The following ARHGAP6 variants were observed in gnomAD, a reference collection of about 807,000 sequenced individuals.
ARHGAP6 encodes the protein Rho GTPase activating protein 6, also known as rho GTPase-activating protein 6.
In ARHGAP6, 16 loss-of-function variants were observed where a neutral mutation model predicts 55.7. That is an observed-to-expected ratio of 0.29 (90% CI 0.19 to 0.44). The LOEUF (loss-of-function observed/expected upper bound fraction) is 0.44, where lower values mean the gene tolerates loss of function less well. Ranked by LOEUF, ARHGAP6 falls within the 20% of genes least tolerant of loss-of-function variation. The pLI is 1.00. For synonymous variants in ARHGAP6, 382 were observed against 360.9 expected (o/e 1.06, Z -0.66); for missense variants, 698 against 808.9 (o/e 0.86, Z 1.66).
chrX:11,600,588 C>T (rs1360419669), intron 1 of ARHGAP6, among the ~76,000 whole-genome samples: 1 of 111,862 alleles, frequency 8.9e-6, no homozygotes, highest in Non-Finnish European at 1.9e-5. Context: ...GTGGAAATAC[C>T]AGAAAGTTAA....
intron 1 of ARHGAP6, among the ~76,000 whole-genome samples, chrX:11,440,769 T>G (rs972369150): frequency 1.8e-5 from 2 of 112,292 alleles, no homozygotes; most frequent in African/African-American, 6.5e-5. Flanking sequence ...TTGAATGCTG[T>G]TACTAAATAC....
intron 1 of ARHGAP6, among the ~76,000 whole-genome samples, chrX:11,660,530 C>CAAAAAAAAAAAAAAAAAAAAA (rs56274949): frequency 3.7e-5 from 1 of 27,300 alleles, no homozygotes; most frequent in Non-Finnish European, 7.3e-5. Context: ...CTCTCTCTCT[C>CAAAAAAAAAAAAAAAAAAAAA]AAAAAAAAAA....
At chrX:11,514,872 A>T (rs1338703604) in intron 1 of ARHGAP6, among the ~76,000 whole-genome samples, 1 of 103,928 alleles carries the variant, frequency 9.6e-6, no homozygotes, top group Non-Finnish European at 2.0e-5. Flanking sequence ...ACACACACAC[A>T]CTCATCCACA....
At chrX:11,556,494 T>G (rs185785229) in intron 1 of ARHGAP6, among the ~76,000 whole-genome samples, 1 of 112,484 alleles carries the variant, frequency 8.9e-6, no homozygotes, top group East Asian at 2.8e-4. Flanking sequence ...AACATCCAGT[T>G]GGACAACTTC....
At chrX:11,207,785 A>G (rs2046728191) in intron 2 of ARHGAP6, among the ~76,000 whole-genome samples, 1 of 112,136 alleles carries the variant, frequency 8.9e-6, no homozygotes, top group Non-Finnish European at 1.9e-5. Context: ...TATGATATTA[A>G]TATATTCCCA....
chrX:11,604,556 T>C (rs1386645565), intron 1 of ARHGAP6, among the ~76,000 whole-genome samples: 1 of 111,693 alleles, frequency 9.0e-6, no homozygotes, highest in Non-Finnish European at 1.9e-5. Context: ...TGCTATTTAT[T>C]GTGTAACTGG....
At chrX:11,622,563 G>A (rs978886323) in intron 1 of ARHGAP6, among the ~76,000 whole-genome samples, 6 of 111,399 alleles carry the variant, frequency 5.4e-5, no homozygotes, top group African/African-American at 1.6e-4. Flanking sequence ...AAAAAATGGG[G>A]AGAACTATTG....
intron 1 of ARHGAP6, among the ~76,000 whole-genome samples, chrX:11,458,242 A>G (rs1005882097): frequency 6.2e-5 from 7 of 112,548 alleles, no homozygotes; most frequent in Non-Finnish European, 1.3e-4. Flanking sequence ...CATAGATTCA[A>G]TAGATTTACT....
intron 1 of ARHGAP6, chrX:11,265,824 T>C (rs747763754): frequency 1.2e-5 from 11 of 941,965 alleles, no homozygotes; most frequent in Non-Finnish European, 1.5e-5. Context: ...TCATATTGAA[T>C]GTCTGAGAAA....
At chrX:11,277,052 C>T (rs2047779872) in intron 1 of ARHGAP6, among the ~76,000 whole-genome samples, 1 of 110,962 alleles carries the variant, frequency 9.0e-6, no homozygotes, top group South Asian at 3.9e-4. Flanking sequence ...TCACCCCAGC[C>T]CCTGGGAACC....
chrX:11,587,444 C>T (rs1258767576), intron 1 of ARHGAP6, among the ~76,000 whole-genome samples: 1 of 111,708 alleles, frequency 9.0e-6, no homozygotes, highest in East Asian at 2.8e-4. Context: ...GGGAGATCAT[C>T]ACAGGCATAG....
At chrX:11,391,810 A>G (rs1453930508) in intron 1 of ARHGAP6, among the ~76,000 whole-genome samples, 1 of 112,241 alleles carries the variant, frequency 8.9e-6, no homozygotes, top group Non-Finnish European at 1.9e-5. Flanking sequence ...TTGCCTAGGG[A>G]TCTTCGTAAA....
At chrX:11,234,663 C>A (rs2047175164) in intron 2 of ARHGAP6, among the ~76,000 whole-genome samples, 1 of 112,407 alleles carries the variant, frequency 8.9e-6, no homozygotes, top group Non-Finnish European at 1.9e-5. Context: ...CTAAACATAG[C>A]TGAGCCATAC....
intron 1 of ARHGAP6, among the ~76,000 whole-genome samples, chrX:11,598,112 A>C (rs750141893): frequency 1.5e-4 from 17 of 111,568 alleles, no homozygotes; most frequent in Admixed American, 7.6e-4. Context: ...AATGGAAGAC[A>C]TATCACTTGA....
At chrX:11,602,430 A>G in intron 1 of ARHGAP6, among the ~76,000 whole-genome samples, 1 of 112,427 alleles carries the variant, frequency 8.9e-6, no homozygotes, top group Admixed American at 9.4e-5. Context: ...CTACATAACA[A>G]AAGTGTCTCT....
At chrX:11,513,654 T>C (rs1031650748) in intron 1 of ARHGAP6, among the ~76,000 whole-genome samples, 1 of 111,054 alleles carries the variant, frequency 9.0e-6, no homozygotes, top group Non-Finnish European at 1.9e-5. Context: ...CTGAAACGTA[T>C]GAGACCCAGT....
intron 1 of ARHGAP6, among the ~76,000 whole-genome samples, chrX:11,537,600 T>C (rs1003461338): frequency 8.9e-6 from 1 of 112,305 alleles, no homozygotes; most frequent in Admixed American, 9.5e-5. Flanking sequence ...TATCCCAAGT[T>C]CTGAACTTTT....
At chrX:11,573,902 G>T (rs1379340229) in intron 1 of ARHGAP6, among the ~76,000 whole-genome samples, 1 of 111,146 alleles carries the variant, frequency 9.0e-6, no homozygotes, top group Non-Finnish European at 1.9e-5. Flanking sequence ...GGTCCTTCAC[G>T]TCCCTTGTAA....
At chrX:11,476,894 T>G (rs939669259) in intron 1 of ARHGAP6, among the ~76,000 whole-genome samples, 2 of 111,451 alleles carry the variant, frequency 1.8e-5, no homozygotes, top group Non-Finnish European at 3.8e-5. Flanking sequence ...GAAGAAAACC[T>G]CTGCAATCTT....
Sources: allele counts gnomAD v4.1 joint callset (sites outside exome capture counted in the v4.1 genomes callset), GRCh38; gene constraint gnomAD v4.1.1; transcripts MANE v1.5; gene names NCBI Gene and HGNC (gene_info 2026-07-23, HGNC 2026-07-21).